CCDC187: variants seen among roughly 807,000 people sequenced by gnomAD.
CCDC187 encodes coiled-coil domain containing 187.
CCDC187 carries 32 observed loss-of-function variants against 38.0 expected under a neutral mutation model. That is an observed-to-expected ratio of 0.84 (90% CI 0.64 to 1.13). CCDC187 has a LOEUF of 1.13. Ranked by LOEUF, CCDC187 falls within the 50% of genes most tolerant of loss-of-function variation. CCDC187 has a pLI of 0.00. For synonymous variants in CCDC187, 333 were observed against 347.9 expected, an observed-to-expected ratio of 0.96 and a Z score of 0.48; for missense variants, 707 against 786.8, an observed-to-expected ratio of 0.90 and a Z score of 1.21.
chr9:136,274,473 C>G (rs547985633), intron 14 of CCDC187, among the ~76,000 whole-genome samples, 185 bp downstream of exon 14: 8 of 152,270 alleles, frequency 5.3e-5, no homozygotes, highest in Non-Finnish European at 8.8e-5. Flanking sequence ...GTCAGTCACG[C>G]GAGTGCTGGA....
rs1348301201 is a variant in CCDC187, at chr9:136,290,682, C to T, written c.1931G>A (p.Arg644His). The T allele has an allele frequency of 2.0e-5, 8 of 398,440 alleles. No individual in the cohort carries two copies. Among genetic ancestry groups the T allele is most frequent in the African/African-American group, 1.0e-4 (5 of 48,616 alleles). The allele number at this position is 398,440 out of a possible 1,614,324, so 24.7% of individuals were successfully genotyped here. ...CCGCCGCCGGGCCTGCGCCTTCTGG[C>T]GCATGAACTCCCGCAAGGACTCAGA... Reference protein sequence around the residue: ...HSSESLREFMRQKAQARRRQA... With the variant: ...HSSESLREFMHQKAQARRRQA... The change falls in exon 6 of 26, where the codon CGC becomes CAC. Residue 644 changes from arginine (R) to histidine (H), a missense_variant. By Grantham distance (29) the Arg-to-His change is conservative (BLOSUM62 0). Transcript: ENST00000638797.
intron 4 of CCDC187, chr9:136,296,596 G>C (rs974767090): frequency 6.6e-6 from 1 of 152,316 alleles, no homozygotes; most frequent in South Asian, 2.1e-4. Flanking sequence ...AGCTCACAGA[G>C]TGCGGGCACT....
chr9:136,258,892 G>A lies in CCDC187; in HGVS notation c.4366+40C>T, dbSNP rs34244025. ...TCTGCTGGATGTGGGGGAAGTGTCT[G>A]GCGCCGTGGAGGCCCACGCGGTGTT... On this transcript the variant is annotated intron_variant, in intron 22 of 25. Coordinates refer to ENST00000638797, the MANE Select transcript of CCDC187 (RefSeq NM_001378188.1). The surrounding 1 kb of genome is among the most constrained non-coding windows in gnomAD (Gnocchi z 4.3). 0.35 allele frequency: 342,823 copies of A among 985,340 alleles called. 61,278 individuals are homozygous for A. The highest frequency in any genetic ancestry group is 0.38 in the East Asian group (3,365 of 8,766). The allele number at this position is 985,340 out of a possible 1,614,324, so 61.0% of individuals were successfully genotyped here.
In CCDC187 at chr9:136,291,111, G is replaced by T. The variant is rs943003441; in HGVS notation, c.1502C>A (p.Pro501Gln). The part of the protein sequence containing the change: ...WSALAGQACS[P>Q]QRAWGAQRQG... ...TCTTTGGGCCCCCCAGGCCCTCTGCGGACTGCAGGCCTGCCCAGCCAGTGC... is the reference window on the plus strand; with the variant it reads ...TCTTTGGGCCCCCCAGGCCCTCTGCTGACTGCAGGCCTGCCCAGCCAGTGC... The change falls in exon 6 of 26, where the codon CCG becomes CAG. Residue 501 changes from proline to glutamine, a missense_variant. Physicochemically the swap from Pro to Gln is moderately conservative, Grantham distance 76 (BLOSUM62 -1). Transcript: ENST00000638797. The T allele has an allele frequency of 5.0e-6, 2 of 398,494 alleles. No homozygotes were observed. Among genetic ancestry groups the T allele is most frequent in the South Asian group, 1.3e-4 (1 of 7,868 alleles). 24.7% of individuals were successfully genotyped at this position (398,494 alleles called of 1,614,324 possible).
In CCDC187 at chr9:136,263,679, C is replaced by T. The variant is rs1228329340; in HGVS notation, c.3855G>A (p.Pro1285=). The T allele has an allele frequency of 2.9e-5, 29 of 985,320 alleles. No individual in the cohort carries two copies. Among genetic ancestry groups the T allele is most frequent in the South Asian group, 4.7e-5 (1 of 21,292 alleles). 61.0% of individuals were successfully genotyped at this position (985,320 alleles called of 1,614,324 possible). Residue 1285 remains proline (P), a synonymous_variant, in exon 18 of 26, where the codon CCG becomes CCA. Coordinates refer to ENST00000638797, the MANE Select transcript of CCDC187 (RefSeq NM_001378188.1). ...GCGCTGGGACGACGTCCGTGGGCCC[C>T]GGGATGGGGAGGATGTCCACAGGCC... The part of the protein sequence containing the change: ...MPGPVDILPI[P]GPTDVVPAHE...
Position 136,264,498 on chromosome 9 carries a change from C to T in CCDC187, c.3736-700G>A, listed in dbSNP as rs146106148. On this transcript the variant is annotated intron_variant, in intron 17 of 25. Coordinates refer to ENST00000638797, the MANE Select transcript of CCDC187 (RefSeq NM_001378188.1). This position sits in a 1 kb window ranked among gnomAD's most constrained non-coding sequence, Gnocchi z 4.3. ...CCCTTCTAAGCCCCTTTTGTTTCCC[C>T]GGCTCACGTTGTTCTCTGTGGTGCC... Among the ~76,000 whole-genome samples the T allele has an allele frequency of 2.6e-5, 4 of 152,264 alleles. No homozygotes were observed. Among genetic ancestry groups the T allele is most frequent in the East Asian group, 1.9e-4 (1 of 5,190 alleles).
At chr9:136,287,316 G>A (rs906497518) in intron 7 of CCDC187, among the ~76,000 whole-genome samples, 10 of 152,152 alleles carry the variant, frequency 6.6e-5, no homozygotes, top group Non-Finnish European at 1.0e-4. Flanking sequence ...ATAGAAATGA[G>A]CCTGGCCGGT....
intron 18 of CCDC187, among the ~76,000 whole-genome samples, 197 bp downstream of exon 18, chr9:136,263,425 G>A (rs187783802): frequency 3.3e-5 from 5 of 152,048 alleles, no homozygotes; most frequent in African/African-American, 7.2e-5. Context: ...TAGTAGAGAC[G>A]GGGTTTCACT....
intron 14 of CCDC187, among the ~76,000 whole-genome samples, chr9:136,271,606 CTTTTT>C (rs1272090795): frequency 1.5e-5 from 2 of 131,168 alleles, no homozygotes; most frequent in Non-Finnish European, 1.6e-5. Context: ...AAGAGAAAGT[CTTTTT>C]TTTTTTTTTT....
chr9:136,288,424 G>A (rs935302293), intron 7 of CCDC187, among the ~76,000 whole-genome samples: 4,019 of 152,294 alleles, frequency 0.026, 121 homozygotes, highest in African/African-American at 0.065. Flanking sequence ...GCCAGGGGCA[G>A]CCCTGAGGGA....
chr9:136,259,425 G>T lies in CCDC187; in HGVS notation c.4234C>A (p.Pro1412Thr). ...SQEPGEQPRAPLLGLQHVSPP... is the reference protein window; with the variant it reads ...SQEPGEQPRATLLGLQHVSPP... ...CTCACGTGCTGCAGGCCCAGCAGAG[G>T]GGCCCGAGGCTGCTCCCCAGGCTCT... The change falls in exon 21 of 26, where the codon CCT becomes ACT. Residue 1412 changes from proline (P) to threonine (T), a missense_variant. By Grantham distance (38) the Pro-to-Thr change is conservative. Transcript: ENST00000638797. 1 of 985,600 alleles carries T rather than the reference G, an allele frequency of 1.0e-6. No homozygotes were observed. The highest frequency in any genetic ancestry group is 5.2e-4 in the Middle Eastern group (1 of 1,920). The allele number at this position is 985,600 out of a possible 1,614,324, so 61.1% of individuals were successfully genotyped here. A position where few individuals can be genotyped will look rare whatever the true frequency, so the allele number is the denominator to read the frequency against.
At chr9:136,260,314 C>T (rs1364896581) in intron 19 of CCDC187, 50 bp from the exon 20 acceptor site, 2 of 984,744 alleles carry the variant, frequency 2.0e-6, no homozygotes, top group East Asian at 1.1e-4. Flanking sequence ...CTGCCCCTTC[C>T]CAGGTGTCCA....
intron 2 of CCDC187, among the ~76,000 whole-genome samples, chr9:136,302,318 G>A (rs982067841): frequency 7.2e-5 from 11 of 152,200 alleles, no homozygotes; most frequent in Non-Finnish European, 1.3e-4. Flanking sequence ...GAGGGAAGCC[G>A]TTTCCAAACT....
At chr9:136,293,222 CTCACACTCACACGCTCACACTCACAT>C in intron 4 of CCDC187, among the ~76,000 whole-genome samples, 2 of 101,126 alleles carry the variant, frequency 2.0e-5, no homozygotes, top group East Asian at 9.8e-4. Flanking sequence ...TGCTCACACA[CTCACACTCACACGCTCACACTCACAT>C]GCTTACACAC....
chr9:136,267,884 A>C (rs1554761912), intron 15 of CCDC187, 165 bp downstream of exon 15: 1 of 985,330 alleles, frequency 1.0e-6, no homozygotes, highest in Non-Finnish European at 1.2e-6. Context: ...GGGCTTGGGT[A>C]GCTGTCAGCT....
rs1830627903 is a variant in CCDC187 at position 136,257,465 on chromosome 9, C to G, written c.4367-624G>C. ...CCTTTTGCCAGAGCTTGTTCTTCCCCCTCGGTGCCGTCCGACAGACACTGG... is the reference window on the plus strand; with the variant it reads ...CCTTTTGCCAGAGCTTGTTCTTCCCGCTCGGTGCCGTCCGACAGACACTGG... On this transcript the variant is annotated intron_variant, in intron 22 of 25. Coordinates refer to ENST00000638797, the MANE Select transcript of CCDC187 (RefSeq NM_001378188.1). The surrounding 1 kb of genome is among the most constrained non-coding windows in gnomAD (Gnocchi z 4.5). 6.6e-6 allele frequency among the ~76,000 whole-genome samples: 1 copy of G among 152,132 alleles called. No homozygotes were observed. Among genetic ancestry groups the G allele is most frequent in the Non-Finnish European group, 1.5e-5 (1 of 68,038 alleles).
chr9:136,267,750 C>G lies in CCDC187; in HGVS notation c.3520-239G>C, dbSNP rs116463833. 3.0e-3 allele frequency: 2,660 copies of G among 893,118 alleles called. 52 individuals are homozygous for G. The African/African-American group carries it at 0.043, about 15-fold the overall frequency. The allele number at this position is 893,118 out of a possible 1,614,324, so 55.3% of individuals were successfully genotyped here. A position where few individuals can be genotyped will look rare whatever the true frequency, so the allele number is the denominator to read the frequency against. On this transcript the variant is annotated intron_variant, in intron 15 of 25. Transcript: ENST00000638797. ...GATCTTTAGCATCTCGGCCTCACCA[C>G]CAGCCCTGATCCAGGAAGCCCAGGC...
Position 136,302,939 on chromosome 9 carries a change from C to T in CCDC187, c.498G>A (p.Gln166=). 2.5e-6 allele frequency: 1 copy of T among 398,748 alleles called. No individual in the cohort carries two copies. Among genetic ancestry groups the T allele is most frequent in the Non-Finnish European group, 4.4e-6 (1 of 226,148 alleles). 24.7% of individuals were successfully genotyped at this position (398,748 alleles called of 1,614,324 possible). The part of the protein sequence containing the change: ...RDKIRAQAWQ[Q]GSCASLGTSA... The stretch of plus-strand genomic sequence containing the variant: ...AGGTGCCCAGGGACGCACAGCTCCC[C>T]TGCTGCCACGCCTGGGCCCGGATCT... The change falls in exon 2 of 26, where the codon CAG becomes CAA. Residue 166 remains glutamine, a synonymous_variant. Coordinates refer to ENST00000638797, the MANE Select transcript of CCDC187 (RefSeq NM_001378188.1).
Position 136,256,237 on chromosome 9 carries a change from G to A in CCDC187, c.4590C>T (p.Thr1530=), listed in dbSNP as rs1239156080. 5 of 985,468 alleles carry A rather than the reference G, an allele frequency of 5.1e-6. No homozygotes were observed. The highest frequency in any genetic ancestry group is 6.0e-6 in the Non-Finnish European group (5 of 830,068). 61.0% of individuals were successfully genotyped at this position (985,468 alleles called of 1,614,324 possible). A position where few individuals can be genotyped will look rare whatever the true frequency, so the allele number is the denominator to read the frequency against. ...TCTGCTCCCCCGATCGCCAGCTCTC[G>A]GTTTCCTGGGACTCCTCCACGGGGC... The part of the protein sequence containing the change: ...AESPVEESQE[T]ESWRSGEQRT... The change falls in exon 24 of 26, where the codon ACC becomes ACT. Residue 1530 remains threonine, a synonymous_variant. Coordinates refer to ENST00000638797, the MANE Select transcript of CCDC187 (RefSeq NM_001378188.1).
Sources: gnomAD v4.1 joint callset for allele counts (sites outside exome capture counted in the v4.1 genomes callset) on GRCh38, gnomAD v4.1.1 for gene constraint, Gnocchi (gnomAD v3.1) non-coding constraint, MANE v1.5 for transcripts, NCBI Gene and HGNC (gene_info 2026-07-23, HGNC 2026-07-21) for gene names.